Variants in ASXL3 observed in about 807,000 individuals in gnomAD.
ASXL3 encodes putative Polycomb group protein ASXL3.
A neutral mutation model predicts 170.6 loss-of-function variants in ASXL3; 34 were observed. That is an observed-to-expected ratio of 0.20 (90% confidence interval 0.15 to 0.27). ASXL3 has a LOEUF of 0.27. Ranked by LOEUF, ASXL3 falls within the 10% of genes least tolerant of loss-of-function variation. ASXL3 has a pLI of 1.00. For synonymous variants in ASXL3, 1,002 were observed against 989.1 expected (o/e 1.01, Z -0.24); for missense variants, 2,592 against 2,695.3 (o/e 0.96, Z 0.85).
intron 2 of ASXL3, among the ~76,000 whole-genome samples, chr18:33,634,002 A>T (rs142186314): frequency 1.3e-5 from 2 of 152,226 alleles, no homozygotes; most frequent in South Asian, 2.1e-4. Flanking sequence ...ATGCATATAT[A>T]TGAATGTAAA....
intron 8 of ASXL3, among the ~76,000 whole-genome samples, chr18:33,706,827 A>G (rs1227679063): frequency 1.3e-5 from 2 of 151,808 alleles, no homozygotes; most frequent in African/African-American, 4.8e-5. Flanking sequence ...CTTAATTTTA[A>G]TGTACTCCAA....
intron 1 of ASXL3, among the ~76,000 whole-genome samples, chr18:33,580,592 A>G (rs1385079512): frequency 6.6e-6 from 1 of 152,244 alleles, no homozygotes; most frequent in African/African-American, 2.4e-5. Context: ...TTTGTATTCA[A>G]TCAGTATATG....
chr18:33,611,138 T>A (rs1444052470), intron 2 of ASXL3, among the ~76,000 whole-genome samples: 1 of 152,102 alleles, frequency 6.6e-6, no homozygotes, highest in Non-Finnish European at 1.5e-5. Context: ...GTAGACATGA[T>A]AAAGATAGGA....
At chr18:33,697,028 T>A (rs1306041910) in intron 8 of ASXL3, among the ~76,000 whole-genome samples, 1 of 152,080 alleles carries the variant, frequency 6.6e-6, no homozygotes, top group African/African-American at 2.4e-5. Flanking sequence ...ATGGAAACCA[T>A]CTCAATATCT....
chr18:33,711,850 C>A (rs887561569), intron 8 of ASXL3, among the ~76,000 whole-genome samples: 1 of 152,116 alleles, frequency 6.6e-6, no homozygotes, highest in African/African-American at 2.4e-5. Flanking sequence ...TTATATATCA[C>A]TCAGCAATAA....
chr18:33,720,791 A>G (rs1441782117), intron 8 of ASXL3, among the ~76,000 whole-genome samples: 2 of 152,114 alleles, frequency 1.3e-5, no homozygotes, highest in Non-Finnish European at 2.9e-5. Flanking sequence ...TGATTTTGCC[A>G]CAGGCTACAT....
chr18:33,580,542 TAATA>T (rs1225327597), intron 1 of ASXL3, among the ~76,000 whole-genome samples: 6 of 152,246 alleles, frequency 3.9e-5, no homozygotes, highest in African/African-American at 9.6e-5. Context: ...GAGAATTATT[TAATA>T]AATAACATTA....
chr18:33,617,349 G>C (rs1430837361), intron 2 of ASXL3, among the ~76,000 whole-genome samples: 1 of 152,068 alleles, frequency 6.6e-6, no homozygotes, highest in Non-Finnish European at 1.5e-5. Context: ...AAATTTGCAT[G>C]AAGTGGTGGC....
intron 2 of ASXL3, among the ~76,000 whole-genome samples, chr18:33,625,358 G>T (rs887493845): frequency 5.3e-5 from 8 of 152,134 alleles, no homozygotes; most frequent in African/African-American, 1.9e-4. Context: ...GAAGATTCTT[G>T]TACTTGACTG....
chr18:33,663,756 C>A (rs1019961106), intron 5 of ASXL3, among the ~76,000 whole-genome samples: 2 of 152,054 alleles, frequency 1.3e-5, no homozygotes, highest in East Asian at 3.9e-4. Context: ...AAAAGCTATT[C>A]TTGCAGAATT....
At chr18:33,615,037 G>T (rs1331868713) in intron 2 of ASXL3, 1 of 152,084 alleles carries the variant, frequency 6.6e-6, no homozygotes, top group African/African-American at 2.4e-5. Flanking sequence ...CCCCAAACGG[G>T]AGAGTGAACC....
intron 4 of ASXL3, among the ~76,000 whole-genome samples, chr18:33,652,603 C>CAAA (rs554834298): frequency 2.7e-5 from 3 of 112,326 alleles, no homozygotes; most frequent in Non-Finnish European, 3.5e-5. Context: ...TCTGTTGGGG[C>CAAA]AAAAAAAAAA....
intron 6 of ASXL3, 98 bp downstream of exon 6, chr18:33,670,888 T>G (rs1209774497): frequency 1.4e-6 from 1 of 705,056 alleles, no homozygotes; most frequent in African/African-American, 1.8e-5. Context: ...AACTGAATAA[T>G]ACTTCCACTT....
Position 33,743,481 on chromosome 18 carries a change from T to A in ASXL3, c.3633T>A (p.His1211Gln), listed in dbSNP as rs756772048. The A allele has an allele frequency of 5.6e-6, 9 of 1,613,524 alleles. No individual in the cohort carries two copies. In the Admixed American group the frequency reaches 8.3e-5, roughly 15 times the overall value. ...CTGATGAAAACATACCTGTGTCACA[T>A]TTATCTGAGAAAATTGTTTCATCTA... ...HSSDENIPVS[H>Q]LSEKIVSSTS... is the part of the protein sequence containing the mutation. The change falls in exon 12 of 12, where the codon CAT becomes CAA. Residue 1211 changes from histidine (H) to glutamine (Q), a missense_variant. This residue lies in a region of ASXL3 where 2,246 missense variants were observed against 2,219.6 expected (regional missense o/e 1.01). Coordinates refer to ENST00000269197, the MANE Select transcript of ASXL3 (RefSeq NM_030632.3).
chr18:33,669,810 C>G (rs2066312123), intron 5 of ASXL3, among the ~76,000 whole-genome samples: 1 of 152,130 alleles, frequency 6.6e-6, no homozygotes, highest in Non-Finnish European at 1.5e-5. Flanking sequence ...TTTTAGCATT[C>G]CTGTGGCTGT....
At chr18:33,618,618 C>G (rs2065464599) in intron 2 of ASXL3, among the ~76,000 whole-genome samples, 1 of 152,084 alleles carries the variant, frequency 6.6e-6, no homozygotes, top group Non-Finnish European at 1.5e-5. Context: ...ATTTATTCAG[C>G]ACATTCTGTG....
intron 8 of ASXL3, among the ~76,000 whole-genome samples, chr18:33,691,209 G>A (rs1161260622): frequency 6.6e-6 from 1 of 152,134 alleles, no homozygotes; most frequent in Non-Finnish European, 1.5e-5. Context: ...TTCATTCATT[G>A]GCCAGCTCCT....
chr18:33,614,587 A>C (rs2065390372), intron 2 of ASXL3: 1 of 152,178 alleles, frequency 6.6e-6, no homozygotes, highest in African/African-American at 2.4e-5. Context: ...GAAGATTTTC[A>C]ATTCACTTTC....
At chr18:33,715,036 T>C (rs6507058) in intron 8 of ASXL3, among the ~76,000 whole-genome samples, 108,150 of 152,028 alleles carry the variant, frequency 0.71, 40,085 homozygotes, top group East Asian at 0.98. Flanking sequence ...TAGAAGGCCC[T>C]GCTCCTCCCT....
Sources: allele counts gnomAD v4.1 joint callset (sites outside exome capture counted in the v4.1 genomes callset), GRCh38; gene constraint gnomAD v4.1.1; regional missense constraint gnomAD v4.1.1; transcripts MANE v1.5; gene names NCBI Gene and HGNC (gene_info 2026-07-23, HGNC 2026-07-21).